The following TBCCD1 variants were observed in gnomAD, a reference collection of about 807,000 sequenced individuals.
The protein encoded by TBCCD1 is TBCC domain-containing protein 1.
Under a neutral mutation model 53.4 loss-of-function variants are expected in TBCCD1, and 26 were observed. That is an observed-to-expected ratio of 0.49 (90% CI 0.36 to 0.68). The LOEUF (loss-of-function observed/expected upper bound fraction) is 0.68, where lower values mean the gene tolerates loss of function less well. Among genes scored for constraint, TBCCD1 ranks in the 30% least tolerant of loss-of-function variants. The pLI is 0.00. For synonymous variants in TBCCD1, 245 were observed against 241.7 expected (o/e 1.01, Z -0.13); for missense variants, 558 against 669.5 (o/e 0.83, Z 1.84).
Position 186,563,996 on chromosome 3 carries a change from G to A in TBCCD1, c.334C>T (p.Gln112Ter), listed in dbSNP as rs1351594684. The A allele has an allele frequency of 1.2e-6, 2 of 1,605,710 alleles. No homozygotes were observed. Among genetic ancestry groups the A allele is most frequent in the African/African-American group, 2.7e-5 (2 of 74,626 alleles). Reference sequence around the variant, plus strand: ...TATACACACATATCAATCCGTACCTGATTTCTCTGCTTTTCAACTTCCTCC... The same window carrying A: ...TATACACACATATCAATCCGTACCTAATTTCTCTGCTTTTCAACTTCCTCC... ...SEEEVEKQRNQLSVDTLQFLL... is the reference protein window; with the variant it reads ...SEEEVEKQRN Residue 112 changes from glutamine (Q) to a stop codon, truncating the protein, a stop_gained and splice_region_variant, in exon 2 of 8, where the codon CAG becomes TAG. Transcript: ENST00000338733. LOFTEE classifies it high-confidence loss of function.
intron 6 of TBCCD1, chr3:186,553,365 T>C (rs56088204): frequency 9.5e-4 from 144 of 152,362 alleles, no homozygotes; most frequent in African/African-American, 3.3e-3. Flanking sequence ...TGTTTTTTCA[T>C]GATCATCCAT....
intron 2 of TBCCD1, among the ~76,000 whole-genome samples, chr3:186,561,815 T>C (rs60241587): frequency 0.046 from 7,058 of 151,876 alleles, 539 homozygotes; most frequent in African/African-American, 0.16. Context: ...AATAGTATAG[T>C]GGTTTCTCAA....
chr3:186,556,388 G>C, intron 4 of TBCCD1, 21 bp downstream of exon 4: 1 of 1,574,922 alleles, frequency 6.3e-7, no homozygotes, highest in Non-Finnish European at 8.5e-7. Context: ...ATTTAATGTA[G>C]ATTAAAATAT....
Position 186,553,933 on chromosome 3 carries a change from C to T in TBCCD1, c.1544+321G>A, listed in dbSNP as rs112177769. 5.8e-3 allele frequency among the ~76,000 whole-genome samples: 884 copies of T among 152,254 alleles called. 11 individuals carry two copies. The highest frequency in any genetic ancestry group is 0.021 in the African/African-American group (852 of 41,534). On this transcript the variant is annotated intron_variant, in intron 6 of 7. Transcript: ENST00000338733. ...CACGATCTTGGCTCACTGCAACCTC[C>T]GCCTCCTGGGTTCAAGCAATTCTCC... is the stretch of plus-strand genomic sequence containing the variant.
In TBCCD1 at chr3:186,558,646, T is replaced by G. The variant is rs1037946665; in HGVS notation, c.337-74A>C. On this transcript the variant is annotated intron_variant, in intron 2 of 7. Transcript: ENST00000338733. ...CACTAGTCTAACAACTAAGTAGACA[T>G]AGTAAATTCACAAGTTGGCTGATCC... 36 of 1,500,904 alleles carry G rather than the reference T, an allele frequency of 2.4e-5. No homozygotes were observed. The Middle Eastern group carries it at 7.2e-4, about 30-fold the overall frequency. 93.0% of individuals were successfully genotyped at this position (1,500,904 alleles called of 1,614,324 possible). A position where few individuals can be genotyped will look rare whatever the true frequency, so the allele number is the denominator to read the frequency against.
intron 2 of TBCCD1, among the ~76,000 whole-genome samples, chr3:186,562,939 C>G (rs561002017): frequency 6.6e-6 from 1 of 152,314 alleles, no homozygotes; most frequent in East Asian, 1.9e-4. Flanking sequence ...TAGCCTGTGT[C>G]CCTAAATGGG....
chr3:186,565,118 T>C (rs1714791564), intron 1 of TBCCD1, among the ~76,000 whole-genome samples: 4 of 149,290 alleles, frequency 2.7e-5, no homozygotes, highest in Admixed American at 2.0e-4. Context: ...TCTTTTTTTT[T>C]TTTTTTTTTT....
At position 186,551,115 on chromosome 3, in the gene TBCCD1, G is replaced by C. The variant is rs202198614; in HGVS notation, c.*21+14C>G. ...TCCCCAAAAGAATCTGTTTTAAGTGGTATAAATGCCTACCAGTGTCTGCAT... is the reference window on the plus strand; with the variant it reads ...TCCCCAAAAGAATCTGTTTTAAGTGCTATAAATGCCTACCAGTGTCTGCAT... On this transcript the variant is annotated intron_variant, in intron 7 of 7. Transcript: ENST00000338733. 19 of 1,601,934 alleles carry C rather than the reference G, an allele frequency of 1.2e-5. No individual in the cohort carries two copies. The Admixed American group carries it at 2.6e-4, about 22-fold the overall frequency.
At chr3:186,550,580 A>G (rs892368143) in intron 7 of TBCCD1, among the ~76,000 whole-genome samples, 7 of 151,496 alleles carry the variant, frequency 4.6e-5, no homozygotes, top group Non-Finnish European at 8.8e-5. Flanking sequence ...ACAGAGACTC[A>G]GTCTCAAAAA....
chr3:186,554,491 G>T lies in TBCCD1; in HGVS notation c.1307C>A (p.Ala436Asp). The T allele has an allele frequency of 6.2e-7, 1 of 1,614,230 alleles. No individual in the cohort carries two copies. Among genetic ancestry groups the T allele is most frequent in the Non-Finnish European group, 8.5e-7 (1 of 1,180,044 alleles). Reference sequence around the variant, plus strand: ...ATTATCCCAATAGTTAGGCACTGTAGCAAGGCCAGTCCTGGCCATATGGTC... The same window carrying T: ...ATTATCCCAATAGTTAGGCACTGTATCAAGGCCAGTCCTGGCCATATGGTC... The part of the protein sequence containing the change: ...LEDHMARTGL[A>D]TVPNYWDNPM... The change falls in exon 6 of 8, where the codon GCT (alanine) becomes GAT (aspartate). Residue 436 changes from alanine to aspartate, a missense_variant. By Grantham distance (126) the Ala-to-Asp change is moderately radical (BLOSUM62 -2). Transcript: ENST00000338733.
intron 3 of TBCCD1, 32 bp from the exon 4 acceptor site, chr3:186,556,807 T>G: frequency 6.3e-7 from 1 of 1,585,360 alleles, no homozygotes; most frequent in Non-Finnish European, 8.5e-7. Flanking sequence ...GCACTCTTAA[T>G]AAAGAGATTC....
chr3:186,549,535 T>C (rs1714309842), intron 7 of TBCCD1, among the ~76,000 whole-genome samples: 1 of 152,080 alleles, frequency 6.6e-6, no homozygotes, highest in Non-Finnish European at 1.5e-5. Context: ...CAATTGGGTG[T>C]GATAGCATGC....
chr3:186,565,770 C>A (rs1560230803), intron 1 of TBCCD1, among the ~76,000 whole-genome samples: 1 of 152,134 alleles, frequency 6.6e-6, no homozygotes, highest in Non-Finnish European at 1.5e-5. Flanking sequence ...CGAATTATTT[C>A]TGTGTGAAAA....
At chr3:186,570,117 CGGT>C (rs1330781846), upstream of TBCCD1, 3 of 701,508 alleles carry the variant, frequency 4.3e-6, no homozygotes, top group South Asian at 4.5e-5. Flanking sequence ...CACTAAGAAG[CGGT>C]GGAAGCCGAA....
At position 186,554,461 on chromosome 3, in the gene TBCCD1, A is replaced by G. The variant is rs1207094952; in HGVS notation, c.1337T>C (p.Met446Thr). 1.9e-6 allele frequency: 3 copies of G among 1,614,104 alleles called. No homozygotes were observed. Among genetic ancestry groups the G allele is most frequent in the Admixed American group, 3.3e-5 (2 of 60,004 alleles). Residue 446 changes from methionine to threonine, a missense_variant, in exon 6 of 8, where the codon ATG (methionine) becomes ACG (threonine). Met to Thr is a moderately conservative substitution (Grantham distance 81, BLOSUM62 -1). Transcript: ENST00000338733. ...ATVPNYWDNPMVVCRENSDTR... is the reference protein window; with the variant it reads ...ATVPNYWDNPTVVCRENSDTR... ...GTCGCTGTTCTCTCTGCACACAACC[A>G]TTGGATTATCCCAATAGTTAGGCAC...
upstream of TBCCD1, chr3:186,570,245 C>G (rs1318019139): frequency 1.2e-5 from 7 of 603,214 alleles, no homozygotes; most frequent in Non-Finnish European, 2.1e-5. Context: ...GTACACCTGT[C>G]GTGGAATAAC....
Position 186,554,759 on chromosome 3 carries a change from A to G in TBCCD1, c.1047-8T>C. On this transcript the variant is annotated splice_polypyrimidine_tract_variant and splice_region_variant and intron_variant, in intron 5 of 7. Coordinates refer to ENST00000338733, the MANE Select transcript of TBCCD1 (RefSeq NM_018138.5). ...TTCTCAATTGTCACAGATCTGAAAA[A>G]AGGAAAAAATGAGGTAAAGTCCTCT... 5 of 1,606,502 alleles carry G rather than the reference A, an allele frequency of 3.1e-6. No homozygotes were observed. The highest frequency in any genetic ancestry group is 4.2e-6 in the Non-Finnish European group (5 of 1,178,278).
At position 186,564,227 on chromosome 3, in the gene TBCCD1, T is replaced by A. The variant is rs1399129067; in HGVS notation, c.103A>T (p.Lys35Ter). The A allele has an allele frequency of 1.2e-6, 2 of 1,614,174 alleles. No individual in the cohort carries two copies. The change falls in exon 2 of 8, where the codon AAG (lysine) becomes TAG (stop). Residue 35 changes from lysine (K) to a stop codon, truncating the protein, a stop_gained. Coordinates refer to ENST00000338733, the MANE Select transcript of TBCCD1 (RefSeq NM_018138.5). LOFTEE classifies it high-confidence loss of function. ...PSKFSLHYLR[K>*]ISTYVQIRAT... ...CGGATTTGCACATAGGTGGATATCT[T>A]CCTGAGATAGTGAAGACTAAACTTG...
At chr3:186,566,977 G>A (rs776400329) in intron 1 of TBCCD1, among the ~76,000 whole-genome samples, 1 of 152,228 alleles carries the variant, frequency 6.6e-6, no homozygotes, top group African/African-American at 2.4e-5. Context: ...ACATAAACTG[G>A]GGCTCTGACC....
Sources: allele counts gnomAD v4.1 joint callset (sites outside exome capture counted in the v4.1 genomes callset), GRCh38; gene constraint gnomAD v4.1.1; transcripts MANE v1.5; gene names NCBI Gene and HGNC (gene_info 2026-07-23, HGNC 2026-07-21).